MMAB: variants seen among roughly 807,000 people sequenced by gnomAD.
MMAB encodes the protein metabolism of cobalamin associated B.
MMAB carries 17 observed loss-of-function variants against 30.6 expected under a neutral mutation model. The ratio of observed to expected loss-of-function variants is 0.56; its 90% confidence interval spans 0.38 to 0.83. MMAB has a LOEUF of 0.83. Among genes scored for constraint, MMAB ranks in the 40% least tolerant of loss-of-function variants. MMAB has a pLI of 0.00. For missense variants in MMAB, 311 were observed against 331.6 expected (o/e 0.94, Z 0.48); for synonymous variants, 134 against 138.6 (o/e 0.97, Z 0.23).
chr12:109,560,839 GCA>G (rs1218408735), intron 7 of MMAB, among the ~76,000 whole-genome samples, 199 bp downstream of exon 7: 2 of 152,160 alleles, frequency 1.3e-5, no homozygotes, highest in African/African-American at 4.8e-5. Flanking sequence ...TCCCCGTCTG[GCA>G]CAGTGGAGGG....
At chr12:109,565,752 T>A (rs888085078) in intron 3 of MMAB, among the ~76,000 whole-genome samples, 1 of 152,174 alleles carries the variant, frequency 6.6e-6, no homozygotes, top group Non-Finnish European at 1.5e-5. Flanking sequence ...AGAAGCCTAA[T>A]CTGACCTTGG....
Position 109,555,290 on chromosome 12 carries a change from T to TGTTTGTTTGTTG in MMAB, c.*1737_*1738insCAACAAACAAAC, listed in dbSNP as rs1566128353. On this transcript the variant is annotated 3_prime_UTR_variant, in exon 9 of 9. Transcript: ENST00000545712. ...CGTTTTCAGGGTTTTTTTTTTTTTTTTTTTTTTTTTGTGACGGAGTCTCAC... is the reference window on the plus strand; with the variant it reads ...CGTTTTCAGGGTTTTTTTTTTTTTTTGTTTGTTTGTTGTTTTTTTTTTGTGACGGAGTCTCAC... 8.4e-5 allele frequency: 35 copies of TGTTTGTTTGTTG among 418,656 alleles called. No individual in the cohort carries two copies. Among genetic ancestry groups the TGTTTGTTTGTTG allele is most frequent in the African/African-American group, 8.3e-4 (35 of 42,266 alleles). The allele number at this position is 418,656 out of a possible 1,614,324, so 25.9% of individuals were successfully genotyped here. A position where few individuals can be genotyped will look rare whatever the true frequency, so the allele number is the denominator to read the frequency against.
Position 109,554,686 on chromosome 12 carries a change from C to T in MMAB, c.*2342G>A, listed in dbSNP as rs72650176. On this transcript the variant is annotated 3_prime_UTR_variant, in exon 9 of 9. Transcript: ENST00000545712. ...GTAGGGCTTTCATTAACTTTTCCCA[C>T]CTGGTTCAAAATATGGGAGGACATT... is the stretch of plus-strand genomic sequence containing the variant. 1,097 of 454,080 alleles carry T rather than the reference C, an allele frequency of 2.4e-3. 8 individuals carry two copies. Among genetic ancestry groups the T allele is most frequent in the South Asian group, 4.5e-3 (291 of 64,472 alleles). 28.1% of individuals were successfully genotyped at this position (454,080 alleles called of 1,614,324 possible). A position where few individuals can be genotyped will look rare whatever the true frequency, so the allele number is the denominator to read the frequency against.
At position 109,569,012 on chromosome 12, in the gene MMAB, C is replaced by G. The variant is rs1302702521; in HGVS notation, c.197-149G>C. 35 of 678,276 alleles carry G rather than the reference C, an allele frequency of 5.2e-5. No individual in the cohort carries two copies. The highest frequency in any genetic ancestry group is 7.9e-6 in the Non-Finnish European group (3 of 381,966). The allele number at this position is 678,276 out of a possible 1,614,324, so 42.0% of individuals were successfully genotyped here. The stretch of plus-strand genomic sequence containing the variant: ...CCAGGCTGGAGTACAGCGGCGTGAT[C>G]TTGGCTCACTGCAGCCTCCCCCTCC... On this transcript the variant is annotated intron_variant, in intron 2 of 8. Coordinates refer to ENST00000545712, the MANE Select transcript of MMAB (RefSeq NM_052845.4). The surrounding 1 kb of genome is among the most constrained non-coding windows in gnomAD (Gnocchi z 4.1).
rs1418725966 is a variant in MMAB, at chr12:109,556,111, G to A, written c.*917C>T. ...CCCAAGGACACTGCTGGCACTGGCA[G>A]TGTCGTTTCATAGCAGGAGGGAGCA... On this transcript the variant is annotated 3_prime_UTR_variant, in exon 9 of 9. Transcript: ENST00000545712. 2.2e-6 allele frequency: 1 copy of A among 453,912 alleles called. No homozygotes were observed. Among genetic ancestry groups the A allele is most frequent in the Non-Finnish European group, 4.4e-6 (1 of 226,618 alleles). 28.1% of individuals were successfully genotyped at this position (453,912 alleles called of 1,614,324 possible).
Position 109,569,511 on chromosome 12 carries a change from A to C in MMAB, c.197-648T>G, listed in dbSNP as rs370677228. On this transcript the variant is annotated intron_variant, in intron 2 of 8. Transcript: ENST00000545712. This position sits in a 1 kb window ranked among gnomAD's most constrained non-coding sequence, Gnocchi z 4.1. ...ACTAACCATCCTGATAAAGAAATAC[A>C]ACACGTTCTATATTTTATATCATAT... Among the ~76,000 whole-genome samples, 3 of 152,196 alleles carry C rather than the reference A, an allele frequency of 2.0e-5. No homozygotes were observed. Among genetic ancestry groups the C allele is most frequent in the South Asian group, 4.1e-4 (2 of 4,830 alleles).
intron 3 of MMAB, among the ~76,000 whole-genome samples, chr12:109,565,629 A>T (rs1884393670): frequency 1.3e-5 from 2 of 152,206 alleles, no homozygotes; most frequent in South Asian, 4.1e-4. Context: ...GGCAAAGCTT[A>T]CACCTTCATG....
Position 109,556,393 on chromosome 12 carries a change from C to T in MMAB, c.*635G>A, listed in dbSNP as rs1404176876. The stretch of plus-strand genomic sequence containing the variant: ...AGAGGGGGTCCTCTAAGCTGCACCC[C>T]CATCACACACACTTCAATCTAAGCC... On this transcript the variant is annotated 3_prime_UTR_variant, in exon 9 of 9. Transcript: ENST00000545712. The T allele has an allele frequency of 2.2e-6, 1 of 454,068 alleles. No homozygotes were observed. The allele number at this position is 454,068 out of a possible 1,614,324, so 28.1% of individuals were successfully genotyped here. A position where few individuals can be genotyped will look rare whatever the true frequency, so the allele number is the denominator to read the frequency against.
intron 4 of MMAB, among the ~76,000 whole-genome samples, chr12:109,563,038 A>G (rs1194312180): frequency 1.3e-5 from 2 of 152,232 alleles, no homozygotes; most frequent in Non-Finnish European, 2.9e-5. Flanking sequence ...TTCAAGAAGC[A>G]GGCCATGGTG....
chr12:109,554,195 G>A lies in MMAB; in HGVS notation c.*2833C>T. On this transcript the variant is annotated 3_prime_UTR_variant, in exon 9 of 9. Transcript: ENST00000545712. ...AGGACAACTTGGTTCCCCACCCAATGCCTCCTTCCAGGGCTGCTATGGGGT... is the reference window on the plus strand; with the variant it reads ...AGGACAACTTGGTTCCCCACCCAATACCTCCTTCCAGGGCTGCTATGGGGT... 1 of 453,430 alleles carries A rather than the reference G, an allele frequency of 2.2e-6. No homozygotes were observed. Among genetic ancestry groups the A allele is most frequent in the South Asian group, 1.6e-5 (1 of 64,468 alleles). 28.1% of individuals were successfully genotyped at this position (453,430 alleles called of 1,614,324 possible). A position where few individuals can be genotyped will look rare whatever the true frequency, so the allele number is the denominator to read the frequency against.
chr12:109,565,217 G>A (rs747088457), intron 3 of MMAB, 41 bp from the exon 4 acceptor site: 2 of 1,472,648 alleles, frequency 1.4e-6, no homozygotes, highest in African/African-American at 2.8e-5. Context: ...GTAATGTAAT[G>A]TCCCTAGGCC....
chr12:109,571,766 C>A, intron 1 of MMAB, 56 bp from the exon 2 acceptor site: 1 of 1,463,104 alleles, frequency 6.8e-7, no homozygotes, highest in South Asian at 1.1e-5. Context: ...CACAGAGGGT[C>A]AGCTCCTTCA....
In MMAB at chr12:109,554,580, A is replaced by G. The variant is rs1025419094; in HGVS notation, c.*2448T>C. The G allele has an allele frequency of 6.6e-6, 3 of 454,044 alleles. No homozygotes were observed. The highest frequency in any genetic ancestry group is 8.8e-6 in the Non-Finnish European group (2 of 226,806). 28.1% of individuals were successfully genotyped at this position (454,044 alleles called of 1,614,324 possible). On this transcript the variant is annotated 3_prime_UTR_variant, in exon 9 of 9. Coordinates refer to ENST00000545712, the MANE Select transcript of MMAB (RefSeq NM_052845.4). ...TTTCAAAACCCCGTGTTCCCGTGCA[A>G]TGGGACTGATTGTTTCTGAGAGTTG...
At chr12:109,562,892 C>G (rs1884264270) in intron 4 of MMAB, among the ~76,000 whole-genome samples, 1 of 152,216 alleles carries the variant, frequency 6.6e-6, no homozygotes, top group Non-Finnish European at 1.5e-5. Context: ...TCCAACAGCT[C>G]TCATGCATGT....
In MMAB at chr12:109,555,983, C is replaced by A. The variant is rs932449816; in HGVS notation, c.*1045G>T. 4 of 453,936 alleles carry A rather than the reference C, an allele frequency of 8.8e-6. No individual in the cohort carries two copies. Among genetic ancestry groups the A allele is most frequent in the African/African-American group, 8.0e-5 (4 of 50,012 alleles). 28.1% of individuals were successfully genotyped at this position (453,936 alleles called of 1,614,324 possible). ...TTCGCCAGGCATTTCAGCCCTGAAA[C>A]TGGACAAGAGCCTGCCCTTCCAAAG... On this transcript the variant is annotated 3_prime_UTR_variant, in exon 9 of 9. Transcript: ENST00000545712.
rs2136194341 is a variant in MMAB at position 109,558,566 on chromosome 12, C to G, written c.644+530G>C. 6.6e-6 allele frequency among the ~76,000 whole-genome samples: 1 copy of G among 152,304 alleles called. No individual in the cohort carries two copies. The highest frequency in any genetic ancestry group is 2.4e-5 in the African/African-American group (1 of 41,566). On this transcript the variant is annotated intron_variant, in intron 8 of 8. Coordinates refer to ENST00000545712, the MANE Select transcript of MMAB (RefSeq NM_052845.4). The surrounding 1 kb of genome is among the most constrained non-coding windows in gnomAD (Gnocchi z 4.3). ...AGAGCAGGCTTTGGGCCAGGTGTGG[C>G]TCCAGCCTCATGGGCCGGCCGCGAG...
chr12:109,554,088 C>T lies in MMAB; in HGVS notation c.*2940G>A, dbSNP rs1285217172. The T allele has an allele frequency of 1.3e-5, 6 of 454,004 alleles. No homozygotes were observed. The highest frequency in any genetic ancestry group is 6.9e-5 in the East Asian group (1 of 14,406). The allele number at this position is 454,004 out of a possible 1,614,324, so 28.1% of individuals were successfully genotyped here. A position where few individuals can be genotyped will look rare whatever the true frequency, so the allele number is the denominator to read the frequency against. ...GGTAGTGATTAAAACGACTGTCAAG[C>T]GGCAGTGGGTGGGAGCTGAGGAGCA... On this transcript the variant is annotated 3_prime_UTR_variant, in exon 9 of 9. Coordinates refer to ENST00000545712, the MANE Select transcript of MMAB (RefSeq NM_052845.4).
In MMAB at chr12:109,561,735, CT is replaced by C. The variant is rs773934898; in HGVS notation, c.421+44del. On this transcript the variant is annotated intron_variant, in intron 5 of 8. Transcript: ENST00000545712. This position sits in a 1 kb window ranked among gnomAD's most constrained non-coding sequence, Gnocchi z 5.3. ...CAGATGGTGACCCTAGGAGAGTCCCCTGACCCTAGGGCCCTCTGAACACCCA... is the reference window on the plus strand; with the variant it reads ...CAGATGGTGACCCTAGGAGAGTCCCCGACCCTAGGGCCCTCTGAACACCCA... 81 of 1,539,484 alleles carry C rather than the reference CT, an allele frequency of 5.3e-5. No individual in the cohort carries two copies. The highest frequency in any genetic ancestry group is 7.0e-5 in the Non-Finnish European group (79 of 1,127,792).
chr12:109,560,907 ACC>A (rs1364715786), intron 7 of MMAB, 131 bp downstream of exon 7: 9 of 852,506 alleles, frequency 1.1e-5, no homozygotes, highest in Non-Finnish European at 1.7e-5. Context: ...GCCCTGCTGT[ACC>A]TGCCTCCTGC....
Sources: gnomAD v4.1 joint callset for allele counts (sites outside exome capture counted in the v4.1 genomes callset) on GRCh38, gnomAD v4.1.1 for gene constraint, Gnocchi (gnomAD v3.1) non-coding constraint, MANE v1.5 for transcripts, NCBI Gene and HGNC (gene_info 2026-07-23, HGNC 2026-07-21) for gene names.